DCC: variants seen among roughly 807,000 people sequenced by gnomAD.
DCC encodes netrin receptor DCC.
In DCC, 58 loss-of-function variants were observed where a neutral mutation model predicts 172.5. The ratio of observed to expected loss-of-function variants is 0.34; its 90% CI spans 0.27 to 0.42. The LOEUF is 0.42. Among genes scored for constraint, DCC ranks in the 10% least tolerant of loss-of-function variants. The pLI, the probability that DCC is intolerant of heterozygous loss-of-function variation, is 1.00. For synonymous variants in DCC, 709 were observed against 644.5 expected, an observed-to-expected ratio of 1.10 and a Z score of -1.52; for missense variants, 1,740 against 1,791.0, an observed-to-expected ratio of 0.97 and a Z score of 0.51.
chr18:52,809,644 T>A (rs1486080282), intron 2 of DCC, among the ~76,000 whole-genome samples: 1 of 152,136 alleles, frequency 6.6e-6, no homozygotes. Flanking sequence ...AGTGGGTCTG[T>A]GATGGCGGCA....
At chr18:52,663,872 G>A (rs1219587509) in intron 1 of DCC, among the ~76,000 whole-genome samples, 1 of 151,732 alleles carries the variant, frequency 6.6e-6, no homozygotes, top group Admixed American at 6.6e-5. Context: ...TCTAAGTAGA[G>A]CTGTGTCAGG....
At chr18:53,526,838 T>G (rs2046461684) in intron 28 of DCC, 79 bp downstream of exon 28, 1 of 1,503,316 alleles carries the variant, frequency 6.7e-7, no homozygotes, top group Non-Finnish European at 9.1e-7. Context: ...AACCAATGAG[T>G]ACTGTCCATT....
At chr18:52,925,426 G>T in intron 5 of DCC, 56 bp downstream of exon 5, 1 of 1,546,860 alleles carries the variant, frequency 6.5e-7, no homozygotes, top group East Asian at 2.3e-5. Flanking sequence ...ATATCACCGC[G>T]ACATTTTAAT....
intron 1 of DCC, among the ~76,000 whole-genome samples, chr18:52,571,692 G>A (rs2033296799): frequency 6.6e-6 from 1 of 152,128 alleles, no homozygotes; most frequent in African/African-American, 2.4e-5. Context: ...AGGCTGCTGA[G>A]ACAGTGGAGG....
At chr18:52,740,274 G>A (rs183444876) in intron 1 of DCC, among the ~76,000 whole-genome samples, 183 of 152,240 alleles carry the variant, frequency 1.2e-3, no homozygotes, top group African/African-American at 4.0e-3. Context: ...TGCTGACCTC[G>A]TGAGCAGTTT....
At chr18:52,538,344 CA>C (rs908373437) in intron 1 of DCC, among the ~76,000 whole-genome samples, 1 of 152,168 alleles carries the variant, frequency 6.6e-6, no homozygotes, top group Non-Finnish European at 1.5e-5. Context: ...TTCTCTCCTC[CA>C]ACCCACTGCA....
chr18:53,402,570 T>C (rs1456103157), intron 18 of DCC, among the ~76,000 whole-genome samples: 6 of 152,156 alleles, frequency 3.9e-5, no homozygotes, highest in Admixed American at 6.5e-5. Context: ...CTGTTCTCTA[T>C]AGTCACACCT....
chr18:52,457,094 C>A (rs1473531337), intron 1 of DCC, among the ~76,000 whole-genome samples: 1 of 152,054 alleles, frequency 6.6e-6, no homozygotes, highest in Non-Finnish European at 1.5e-5. Flanking sequence ...TCACAAAAGG[C>A]TCTTCACTTT....
At chr18:52,520,394 C>T (rs2031774821) in intron 1 of DCC, among the ~76,000 whole-genome samples, 1 of 152,196 alleles carries the variant, frequency 6.6e-6, no homozygotes, top group South Asian at 2.1e-4. Context: ...TCCTTCATCT[C>T]TTCCCATCCT....
Position 52,482,416 on chromosome 18 carries a change from A to G in DCC, c.91+141538A>G, listed in dbSNP as rs929966142. ...GTCTTAGCTCAGGCTACTATAACAA[A>G]TTACCAAATACTATATGGTGTAAAC... On this transcript the variant is annotated intron_variant, in intron 1 of 28. Transcript: ENST00000442544. Among the ~76,000 whole-genome samples, 10 of 152,296 alleles carry G rather than the reference A, an allele frequency of 6.6e-5. No homozygotes were observed. In the South Asian group the frequency reaches 8.3e-4, roughly 13 times the overall value.
At chr18:53,102,780 G>A (rs1482524650) in intron 7 of DCC, among the ~76,000 whole-genome samples, 1 of 151,966 alleles carries the variant, frequency 6.6e-6, no homozygotes, top group Admixed American at 6.6e-5. Flanking sequence ...TGTGCTGTAG[G>A]GTCTTCTTCA....
chr18:52,830,131 A>T (rs59366567), intron 2 of DCC, among the ~76,000 whole-genome samples: 16 of 152,298 alleles, frequency 1.1e-4, no homozygotes, highest in African/African-American at 3.4e-4. Context: ...AGCCAGGAAG[A>T]GAGGAAGATG....
chr18:52,986,738 A>ATATATATACACACACACGTGTAG (rs1491565614), intron 5 of DCC, among the ~76,000 whole-genome samples: 7 of 152,096 alleles, frequency 4.6e-5, no homozygotes, highest in African/African-American at 1.7e-4. Flanking sequence ...ACACACACAC[A>ATATATATACACACACACGTGTAG]TATATATACA....
chr18:52,403,791 A>C (rs953876085), intron 1 of DCC, among the ~76,000 whole-genome samples: 2 of 152,046 alleles, frequency 1.3e-5, no homozygotes, highest in Non-Finnish European at 2.9e-5. Context: ...TTCACACTTG[A>C]GAAGAGCCTC....
At chr18:52,655,421 A>G (rs554414341) in intron 1 of DCC, among the ~76,000 whole-genome samples, 1 of 152,308 alleles carries the variant, frequency 6.6e-6, no homozygotes, top group South Asian at 2.1e-4. Flanking sequence ...AAAAGAGATT[A>G]AGTCTTTTTG....
intron 3 of DCC, among the ~76,000 whole-genome samples, chr18:52,908,620 CACAG>C (rs1425989177): frequency 6.6e-6 from 1 of 151,758 alleles, no homozygotes; most frequent in East Asian, 1.9e-4. Flanking sequence ...TTTTAAAAGA[CACAG>C]AGACATTATA....
chr18:52,378,104 C>A (rs1985430813), intron 1 of DCC, among the ~76,000 whole-genome samples: 1 of 151,896 alleles, frequency 6.6e-6, no homozygotes, highest in Non-Finnish European at 1.5e-5. Context: ...ATCTGTGAAG[C>A]AATAATAATT....
intron 2 of DCC, among the ~76,000 whole-genome samples, chr18:52,817,797 A>ATG (rs1162531555): frequency 2.0e-5 from 3 of 149,414 alleles, no homozygotes; most frequent in African/African-American, 5.0e-5. Context: ...ATGTTTATAT[A>ATG]TATATATGTG....
chr18:52,925,133 T>G, intron 4 of DCC, 101 bp from the exon 5 acceptor site: 1 of 1,171,370 alleles, frequency 8.5e-7, no homozygotes, highest in Non-Finnish European at 1.3e-6. Flanking sequence ...TTCTTTCAAG[T>G]GTCTTAATTT....
Sources: gnomAD v4.1 joint callset for allele counts (sites outside exome capture counted in the v4.1 genomes callset) on GRCh38, gnomAD v4.1.1 for gene constraint, MANE v1.5 for transcripts, NCBI Gene and HGNC (gene_info 2026-07-23, HGNC 2026-07-21) for gene names.